The following TMOD1 variants were observed in gnomAD, a reference collection of about 807,000 sequenced individuals.
TMOD1 encodes tropomodulin-1.
In TMOD1, 17 loss-of-function variants were observed where a neutral mutation model predicts 40.6. That is an observed-to-expected ratio of 0.42 (90% CI 0.29 to 0.63). The LOEUF is 0.63. Among genes scored for constraint, TMOD1 ranks in the 20% least tolerant of loss-of-function variants. TMOD1 has a pLI of 0.22. For missense variants in TMOD1, 391 were observed against 447.6 expected, an observed-to-expected ratio of 0.87 and a Z score of 1.14; for synonymous variants, 181 against 175.0, an observed-to-expected ratio of 1.03 and a Z score of -0.27.
intron 4 of TMOD1, among the ~76,000 whole-genome samples, chr9:97,560,167 T>A (rs1587943235): frequency 6.6e-6 from 1 of 151,930 alleles, no homozygotes; most frequent in Non-Finnish European, 1.5e-5. Context: ...AAATATTTGC[T>A]AAATACCGTA....
intron 2 of TMOD1, among the ~76,000 whole-genome samples, chr9:97,542,894 T>C (rs906439823): frequency 6.7e-6 from 1 of 149,066 alleles, no homozygotes; most frequent in Non-Finnish European, 1.5e-5. Flanking sequence ...AATGTGGCAA[T>C]GTTTGGAGAC....
intron 2 of TMOD1, among the ~76,000 whole-genome samples, chr9:97,533,434 G>C (rs1475967215): frequency 6.6e-6 from 1 of 152,344 alleles, no homozygotes; most frequent in East Asian, 1.9e-4. Flanking sequence ...GTGCAGCCAG[G>C]TATAGTTGTG....
chr9:97,594,606 G>A (rs978919030), intron 9 of TMOD1, among the ~76,000 whole-genome samples: 3 of 152,180 alleles, frequency 2.0e-5, no homozygotes, highest in African/African-American at 7.2e-5. Flanking sequence ...TCCTCCTTGG[G>A]GGACATTGAG....
chr9:97,511,465 A>G (rs919203430), intron 1 of TMOD1, among the ~76,000 whole-genome samples: 1 of 152,158 alleles, frequency 6.6e-6, no homozygotes, highest in African/African-American at 2.4e-5. Context: ...CAATCAAGAC[A>G]TCAACCCTCT....
At position 97,559,771 on chromosome 9, in the gene TMOD1, T is replaced by TAAAAAAAAAAAA. The variant is rs1830589569; in HGVS notation, c.398-2961_398-2960insAAAAAAAAAAAA. Among the ~76,000 whole-genome samples, 6 of 63,326 alleles carry TAAAAAAAAAAAA rather than the reference T, an allele frequency of 9.5e-5. No homozygotes were observed. In the Admixed American group the frequency reaches 9.9e-4, roughly 10 times the overall value. The allele number at this position is 63,326 out of a possible 152,430, so 41.5% of individuals were successfully genotyped here. A position where few individuals can be genotyped will look rare whatever the true frequency, so the allele number is the denominator to read the frequency against. ...CAGAGCGAGACTCCGCCTCAAAAAT[T>TAAAAAAAAAAAA]TAAAAAAAAAAAAAAAAAAAAAAAT... On this transcript the variant is annotated intron_variant, in intron 4 of 9. Transcript: ENST00000259365.
At chr9:97,560,874 T>A (rs1045666129) in intron 4 of TMOD1, among the ~76,000 whole-genome samples, 4 of 151,500 alleles carry the variant, frequency 2.6e-5, no homozygotes, top group South Asian at 2.1e-4. Context: ...AAAAAAAAAA[T>A]TTGTTGTTTA....
chr9:97,543,980 G>A (rs1462656826), intron 2 of TMOD1, among the ~76,000 whole-genome samples: 1 of 152,208 alleles, frequency 6.6e-6, no homozygotes, highest in South Asian at 2.1e-4. Context: ...AGTCAGTCAG[G>A]CCTTGATTTT....
At chr9:97,534,101 G>T (rs1312526159) in intron 2 of TMOD1, among the ~76,000 whole-genome samples, 1 of 152,182 alleles carries the variant, frequency 6.6e-6, no homozygotes, top group East Asian at 1.9e-4. Context: ...ACCAGAAATT[G>T]CCACTGGACA....
intron 1 of TMOD1, among the ~76,000 whole-genome samples, chr9:97,509,698 G>A (rs1218836780): frequency 6.6e-6 from 1 of 151,932 alleles, no homozygotes; most frequent in Admixed American, 6.6e-5. Context: ...GTTTCACCAT[G>A]TTGCCCAGGC....
intron 8 of TMOD1, among the ~76,000 whole-genome samples, chr9:97,582,143 T>C (rs1385880298): frequency 6.6e-6 from 1 of 152,134 alleles, no homozygotes; most frequent in Non-Finnish European, 1.5e-5. Context: ...GTCTAACGTT[T>C]AAGTCTTTAA....
chr9:97,600,452 C>T lies in TMOD1; in HGVS notation c.*754C>T, dbSNP rs912711140. 4 of 985,574 alleles carry T rather than the reference C, an allele frequency of 4.1e-6. No homozygotes were observed. The highest frequency in any genetic ancestry group is 4.8e-6 in the Non-Finnish European group (4 of 830,038). 61.1% of individuals were successfully genotyped at this position (985,574 alleles called of 1,614,324 possible). A position where few individuals can be genotyped will look rare whatever the true frequency, so the allele number is the denominator to read the frequency against. ...GTACAATTTAATACTGGAGTTAGAA[C>T]TTTTTCCTTATTGAATGCCAACCTT... is the stretch of plus-strand genomic sequence containing the variant. On this transcript the variant is annotated 3_prime_UTR_variant, in exon 10 of 10. Coordinates refer to ENST00000259365, the MANE Select transcript of TMOD1 (RefSeq NM_003275.4).
chr9:97,539,971 C>CAAAAAAAAAAAAAAAAAA (rs34844299), intron 2 of TMOD1, among the ~76,000 whole-genome samples: 1 of 71,952 alleles, frequency 1.4e-5, no homozygotes, highest in Non-Finnish European at 2.7e-5. Context: ...GACTCTGTCT[C>CAAAAAAAAAAAAAAAAAA]AAAAAAAAAA....
chr9:97,553,762 G>T (rs186026302), intron 4 of TMOD1, among the ~76,000 whole-genome samples: 1 of 152,156 alleles, frequency 6.6e-6, no homozygotes, highest in Non-Finnish European at 1.5e-5. Flanking sequence ...AGGGCCTCTG[G>T]TTTCTTTGGC....
At chr9:97,582,543 A>G (rs191690730) in intron 8 of TMOD1, among the ~76,000 whole-genome samples, 10,413 of 139,214 alleles carry the variant, frequency 0.075, 473 homozygotes, top group Non-Finnish European at 0.089. Context: ...GAAGAAAGTC[A>G]TTGGTAGCTT....
At chr9:97,550,062 C>T (rs1257974714) in intron 3 of TMOD1, among the ~76,000 whole-genome samples, 2 of 152,200 alleles carry the variant, frequency 1.3e-5, no homozygotes, top group African/African-American at 4.8e-5. Flanking sequence ...CTCCCTCTGC[C>T]CCAGCCCCTA....
intron 2 of TMOD1, among the ~76,000 whole-genome samples, chr9:97,531,840 C>A (rs1830107370): frequency 6.6e-6 from 1 of 152,088 alleles, no homozygotes; most frequent in African/African-American, 2.4e-5. Flanking sequence ...TGTGAGGTGT[C>A]ATTATTACCA....
chr9:97,563,927 A>C, intron 5 of TMOD1, 111 bp from the exon 6 acceptor site: 5 of 1,322,610 alleles, frequency 3.8e-6, no homozygotes, highest in Admixed American at 2.3e-5. Flanking sequence ...TGTGATGTGC[A>C]GCCCTCACGT....
chr9:97,569,145 A>T, intron 8 of TMOD1, 108 bp downstream of exon 8: 1 of 1,439,924 alleles, frequency 6.9e-7, no homozygotes. Flanking sequence ...ATAGAAGCTC[A>T]GAGCCCAGCT....
chr9:97,536,869 T>C (rs1197630317), intron 2 of TMOD1, among the ~76,000 whole-genome samples: 1 of 152,176 alleles, frequency 6.6e-6, no homozygotes, highest in African/African-American at 2.4e-5. Context: ...TGCATTCCCT[T>C]GTTCTTAGAT....
Sources: gnomAD v4.1 joint callset for allele counts (sites outside exome capture counted in the v4.1 genomes callset) on GRCh38, gnomAD v4.1.1 for gene constraint, MANE v1.5 for transcripts, NCBI Gene and HGNC (gene_info 2026-07-23, HGNC 2026-07-21) for gene names.